Variants in KIAA1217 observed in about 807,000 individuals in gnomAD.
KIAA1217 encodes sickle tail protein homolog.
Under a neutral mutation model 163.9 loss-of-function variants are expected in KIAA1217, and 88 were observed. The observed-to-expected ratio is 0.54, with a 90% CI of 0.45 to 0.64. KIAA1217 has a LOEUF of 0.64. Ranked by LOEUF, KIAA1217 falls within the 30% of genes least tolerant of loss-of-function variation. The probability of loss-of-function intolerance (pLI) is 0.00; values close to 1 mark genes in which losing one functional copy is unlikely to be tolerated. For missense variants in KIAA1217, 2,372 were observed against 2,475.0 expected, an observed-to-expected ratio of 0.96 and a Z score of 0.88; for synonymous variants, 903 against 923.1, an observed-to-expected ratio of 0.98 and a Z score of 0.39.
intron 2 of KIAA1217, among the ~76,000 whole-genome samples, chr10:24,193,179 C>T (rs1162744191): frequency 6.6e-6 from 1 of 152,146 alleles, no homozygotes; most frequent in South Asian, 2.1e-4. Context: ...TCGGCCTCCC[C>T]CTCCTGAAGT....
chr10:24,309,923 C>T (rs1042486677), intron 2 of KIAA1217, among the ~76,000 whole-genome samples: 1 of 152,116 alleles, frequency 6.6e-6, no homozygotes, highest in Non-Finnish European at 1.5e-5. Context: ...ATGAGCAGTG[C>T]AATAATTGTT....
intron 2 of KIAA1217, among the ~76,000 whole-genome samples, chr10:24,032,477 G>T (rs901310289): frequency 1.3e-5 from 2 of 152,050 alleles, no homozygotes; most frequent in Non-Finnish European, 2.9e-5. Flanking sequence ...CAACTCCGAG[G>T]CCCAAGTGAT....
At chr10:24,373,160 G>T (rs1014366896) in intron 2 of KIAA1217, among the ~76,000 whole-genome samples, 1 of 152,168 alleles carries the variant, frequency 6.6e-6, no homozygotes, top group Non-Finnish European at 1.5e-5. Context: ...TATCCTAAGT[G>T]TGAGCACCTG....
chr10:23,908,280 GT>G (rs111910425), intron 1 of KIAA1217, among the ~76,000 whole-genome samples: 4 of 151,756 alleles, frequency 2.6e-5, no homozygotes, highest in Non-Finnish European at 4.4e-5. Context: ...TGGATGTATT[GT>G]TTTTTTTCAA....
At position 24,342,652 on chromosome 10, in the gene KIAA1217, ATT is replaced by A. The variant is rs11299912; in HGVS notation, c.355-38194_355-38193del. On this transcript the variant is annotated intron_variant, in intron 2 of 20. Coordinates refer to ENST00000376454, the MANE Select transcript of KIAA1217 (RefSeq NM_019590.5). ...CATTAGCTCATGCAGATACAACTCA[ATT>A]TTTTTTTTTTTTTTTTTTTTTTGAA... 4.1e-3 allele frequency among the ~76,000 whole-genome samples: 385 copies of A among 93,496 alleles called. 1 individual carries two copies. The highest frequency in any genetic ancestry group is 0.014 in the Middle Eastern group (2 of 146). 61.3% of individuals were successfully genotyped at this position (93,496 alleles called of 152,430 possible). A position where few individuals can be genotyped will look rare whatever the true frequency, so the allele number is the denominator to read the frequency against.
chr10:23,734,007 CAT>C (rs988309283), intron 1 of KIAA1217, among the ~76,000 whole-genome samples: 9 of 151,930 alleles, frequency 5.9e-5, no homozygotes, highest in African/African-American at 2.2e-4. Flanking sequence ...TTTTTTCTTT[CAT>C]ATGTTTTTAT....
At chr10:24,121,625 T>A (rs2063285128) in intron 2 of KIAA1217, among the ~76,000 whole-genome samples, 1 of 152,190 alleles carries the variant, frequency 6.6e-6, no homozygotes, top group Non-Finnish European at 1.5e-5. Flanking sequence ...ACATCTACTG[T>A]CATGAAAATT....
At chr10:24,129,136 A>G (rs897273351) in intron 2 of KIAA1217, among the ~76,000 whole-genome samples, 1 of 152,218 alleles carries the variant, frequency 6.6e-6, no homozygotes, top group African/African-American at 2.4e-5. Flanking sequence ...CTATGTACAG[A>G]AAATGCTGAT....
chr10:24,380,988 C>T lies in KIAA1217; in HGVS notation c.474C>T (p.Thr158=), dbSNP rs61735611. Residue 158 remains threonine (T), a synonymous_variant, in exon 3 of 21, where the codon ACC becomes ACT. Coordinates refer to ENST00000376454, the MANE Select transcript of KIAA1217 (RefSeq NM_019590.5). ...LEAMSEGDAP[T]PFSRGSRTRA... Reference sequence around the variant, plus strand: ...CCATGTCTGAGGGGGATGCTCCAACCCCTTTTTCCAGAGGCAGCCGGACTC... The same window carrying T: ...CCATGTCTGAGGGGGATGCTCCAACTCCTTTTTCCAGAGGCAGCCGGACTC... 1.1e-5 allele frequency: 17 copies of T among 1,608,778 alleles called. No individual in the cohort carries two copies. In the African/African-American group the frequency reaches 1.9e-4, roughly 18 times the overall value.
chr10:23,904,933 A>G (rs945278915), intron 1 of KIAA1217, among the ~76,000 whole-genome samples: 5 of 151,030 alleles, frequency 3.3e-5, no homozygotes, highest in Non-Finnish European at 5.9e-5. Flanking sequence ...CCACTTGGAC[A>G]CCAGTCCTCT....
intron 1 of KIAA1217, among the ~76,000 whole-genome samples, chr10:23,878,422 G>A (rs1358539881): frequency 1.3e-5 from 2 of 151,832 alleles, no homozygotes; most frequent in East Asian, 1.9e-4. Context: ...CTAGGATATG[G>A]AAGATTCAAT....
chr10:23,698,163 G>C lies in KIAA1217; in HGVS notation c.-321+2929G>C, dbSNP rs1282477760. Among the ~76,000 whole-genome samples the C allele has an allele frequency of 4.6e-5, 7 of 152,140 alleles. No homozygotes were observed. The East Asian group carries it at 1.3e-3, about 29-fold the overall frequency. ...AGAGCATTGCTTTGTTTGGGGCTTT[G>C]TATTCTGTAGTTAATGTCATTAATT... On this transcript the variant is annotated intron_variant, in intron 1 of 18. Transcript: ENST00000376462.
chr10:23,857,934 C>T (rs74916205), intron 1 of KIAA1217, among the ~76,000 whole-genome samples: 5,506 of 149,704 alleles, frequency 0.037, 308 homozygotes, highest in African/African-American at 0.12. Flanking sequence ...ATGTCAAAAA[C>T]ATTTAAATAT....
rs1043398658 is a variant in KIAA1217, at chr10:23,837,868, A to T, written c.-321+142634A>T. 7.2e-5 allele frequency among the ~76,000 whole-genome samples: 11 copies of T among 152,006 alleles called. 1 individual carries two copies. Among genetic ancestry groups the T allele is most frequent in the Admixed American group, 7.2e-4 (11 of 15,250 alleles). On this transcript the variant is annotated intron_variant, in intron 1 of 18. Coordinates refer to the KIAA1217 transcript ENST00000376462. ...TTATTTTTAATGTACTGGTTCTTTA[A>T]CCACTTCGTCATACTGGCTGTTATC...
At chr10:24,190,956 G>T (rs538357927) in intron 2 of KIAA1217, among the ~76,000 whole-genome samples, 1 of 152,238 alleles carries the variant, frequency 6.6e-6, no homozygotes, top group East Asian at 1.9e-4. Flanking sequence ...CACTTTGGGA[G>T]GCCAAGGCTG....
intron 16 of KIAA1217, among the ~76,000 whole-genome samples, chr10:24,534,683 C>G (rs2073697052): frequency 6.6e-6 from 1 of 151,750 alleles, no homozygotes; most frequent in Non-Finnish European, 1.5e-5. Context: ...AGTTCGAGAC[C>G]AACCTGGCCA....
chr10:24,110,259 C>T (rs556504521), intron 2 of KIAA1217, among the ~76,000 whole-genome samples: 1 of 152,102 alleles, frequency 6.6e-6, no homozygotes, highest in African/African-American at 2.4e-5. Context: ...CAGCACAGAT[C>T]TTCAGAGTTC....
chr10:24,544,089 G>C lies in KIAA1217; in HGVS notation c.4819G>C (p.Glu1607Gln), dbSNP rs1416515272. 2 of 1,614,158 alleles carry C rather than the reference G, an allele frequency of 1.2e-6. No homozygotes were observed. The highest frequency in any genetic ancestry group is 1.7e-6 in the Non-Finnish European group (2 of 1,180,044). Reference sequence around the variant, plus strand: ...GACTTTGCAAGTGGTAGTCTATGAAGAAGAGGAAGAGGATGGCACCCTGAA... The same window carrying C: ...GACTTTGCAAGTGGTAGTCTATGAACAAGAGGAAGAGGATGGCACCCTGAA... ...KKTLQVVVYE[E>Q]EEEDGTLKQH... The change falls in exon 19 of 21, where the codon GAA (glutamate) becomes CAA (glutamine). Residue 1607 changes from glutamate (E) to glutamine (Q), a missense_variant. By Grantham distance (29) the Glu-to-Gln change is conservative. Around this residue, in one of 3 missense-constraint regions of KIAA1217, gnomAD observed 690 missense variants for 677.5 expected, o/e 1.02. Transcript: ENST00000376454.
chr10:23,932,434 T>C (rs1482103548), intron 1 of KIAA1217, among the ~76,000 whole-genome samples: 2 of 150,966 alleles, frequency 1.3e-5, no homozygotes, highest in Non-Finnish European at 2.9e-5. Context: ...AAAGTGCAAC[T>C]TTAGAGATTT....
Sources: gnomAD v4.1 joint callset for allele counts (sites outside exome capture counted in the v4.1 genomes callset) on GRCh38, gnomAD v4.1.1 for gene constraint, gnomAD v4.1.1 regional missense constraint, MANE v1.5 for transcripts, NCBI Gene and HGNC (gene_info 2026-07-23, HGNC 2026-07-21) for gene names.